Variants in NRXN1 observed in about 807,000 individuals in gnomAD.
NRXN1 encodes neurexin-1.
NRXN1 carries 39 observed loss-of-function variants against 150.9 expected under a neutral mutation model. The ratio of observed to expected loss-of-function variants is 0.26; its 90% CI spans 0.20 to 0.34. The LOEUF (loss-of-function observed/expected upper bound fraction) is 0.34, where lower values mean the gene tolerates loss of function less well. NRXN1 is among the 10% of genes least tolerant of loss of function. The pLI is 1.00. For missense variants in NRXN1, 1,815 were observed against 1,949.9 expected (o/e 0.93, Z 1.30); for synonymous variants, 924 against 757.0 (o/e 1.22, Z -3.62).
intron 5 of NRXN1, among the ~76,000 whole-genome samples, chr2:50,818,834 G>A (rs987550839): frequency 2.6e-5 from 4 of 152,170 alleles, no homozygotes; most frequent in Middle Eastern, 3.4e-3. Context: ...AACACAACTT[G>A]ATTAAAAAGC....
intron 8 of NRXN1, among the ~76,000 whole-genome samples, chr2:50,612,584 T>C (rs1335605862): frequency 1.3e-5 from 2 of 152,226 alleles, no homozygotes; most frequent in Non-Finnish European, 2.9e-5. Flanking sequence ...GTTATTATTA[T>C]GCTTTCTCTG....
chr2:50,772,629 G>T (rs1361150765), intron 5 of NRXN1, among the ~76,000 whole-genome samples: 5 of 151,912 alleles, frequency 3.3e-5, no homozygotes, highest in East Asian at 3.9e-4. Flanking sequence ...AATTCTATGG[G>T]AGCAAGCATT....
rs1558524554 is a variant in NRXN1, at chr2:50,978,307, A to ATATATAT, written c.772+49194_772+49195insATATATA. Among the ~76,000 whole-genome samples, 20 of 79,264 alleles carry ATATATAT rather than the reference A, an allele frequency of 2.5e-4. No homozygotes were observed. In the East Asian group the frequency reaches 5.0e-3, roughly 20 times the overall value. 52.0% of individuals were successfully genotyped at this position (79,264 alleles called of 152,430 possible). A position where few individuals can be genotyped will look rare whatever the true frequency, so the allele number is the denominator to read the frequency against. On this transcript the variant is annotated intron_variant, in intron 2 of 22. Coordinates refer to ENST00000401669, the MANE Select transcript of NRXN1 (RefSeq NM_001330078.2). ...ATATATATATATATATATATATATA[A>ATATATAT]AATATATATATTATAGATAGATTTG...
At chr2:50,334,209 A>ATATATATATATATATATATATG (rs760530144) in intron 17 of NRXN1, among the ~76,000 whole-genome samples, 3,635 of 120,516 alleles carry the variant, frequency 0.03, 130 homozygotes, top group Non-Finnish European at 0.042. Context: ...ATATATATAT[A>ATATATATATATATATATATATG]TATGTATGTA....
chr2:50,061,050 A>G lies in NRXN1; in HGVS notation c.3719-6006T>C, dbSNP rs534923337. ...TAGGTTCTCCAGCGACTAGGCCTATATTTTTCCTTTACCTCATGATTTTCA... is the reference window on the plus strand; with the variant it reads ...TAGGTTCTCCAGCGACTAGGCCTATGTTTTTCCTTTACCTCATGATTTTCA... On this transcript the variant is annotated intron_variant, in intron 19 of 22. Coordinates refer to ENST00000401669, the MANE Select transcript of NRXN1 (RefSeq NM_001330078.2). Among the ~76,000 whole-genome samples the G allele has an allele frequency of 2.2e-4, 34 of 152,226 alleles. No individual in the cohort carries two copies. The South Asian group carries it at 6.8e-3, about 31-fold the overall frequency.
At chr2:50,163,158 C>G (rs1374054013) in intron 18 of NRXN1, among the ~76,000 whole-genome samples, 4 of 74,492 alleles carry the variant, frequency 5.4e-5, no homozygotes, top group African/African-American at 2.1e-4. Context: ...TCTATCAATC[C>G]AAAATGTATA....
At chr2:50,979,333 AT>A (rs1696410571) in intron 2 of NRXN1, 1 of 511,140 alleles carries the variant, frequency 2.0e-6, no homozygotes, top group Non-Finnish European at 3.9e-6. Context: ...TTCCATCCCT[AT>A]TCTCAGCACA....
In NRXN1 at chr2:50,346,863, C is replaced by A. The variant is rs546558752; in HGVS notation, c.3365-109893G>T. The A allele has an allele frequency of 1.6e-5, 22 of 1,399,362 alleles. No individual in the cohort carries two copies. The highest frequency in any genetic ancestry group is 1.9e-5 in the Non-Finnish European group (21 of 1,077,192). 86.7% of individuals were successfully genotyped at this position (1,399,362 alleles called of 1,614,324 possible). A position where few individuals can be genotyped will look rare whatever the true frequency, so the allele number is the denominator to read the frequency against. On this transcript the variant is annotated intron_variant, in intron 17 of 22. Transcript: ENST00000401669. This position sits in a 1 kb window ranked among gnomAD's most constrained non-coding sequence, Gnocchi z 5.0. The stretch of plus-strand genomic sequence containing the variant: ...GGACTATCCAAAGCAGGGCCAGGCG[C>A]CCCCCTGCGCCGCCGCCGCCGCCGC...
chr2:50,241,583 TACTC>T, intron 17 of NRXN1, among the ~76,000 whole-genome samples: 1 of 151,912 alleles, frequency 6.6e-6, no homozygotes, highest in Middle Eastern at 3.4e-3. Flanking sequence ...AAGCCTCTAT[TACTC>T]ACTCTAAATT....
chr2:50,210,433 G>A (rs1327710096), intron 18 of NRXN1, among the ~76,000 whole-genome samples: 1 of 151,602 alleles, frequency 6.6e-6, no homozygotes, highest in Non-Finnish European at 1.5e-5. Flanking sequence ...ACATTCACAG[G>A]TATTAATTAG....
At chr2:50,847,954 T>C (rs1673922992) in intron 5 of NRXN1, among the ~76,000 whole-genome samples, 1 of 152,140 alleles carries the variant, frequency 6.6e-6, no homozygotes, top group African/African-American at 2.4e-5. Context: ...CTCATTCTCC[T>C]AGCCCACATA....
chr2:50,181,002 T>C (rs1309757664), intron 18 of NRXN1, among the ~76,000 whole-genome samples: 2 of 152,158 alleles, frequency 1.3e-5, no homozygotes, highest in Admixed American at 6.6e-5. Context: ...TTTATATTTG[T>C]GTTTTCCAAT....
chr2:50,908,532 AT>A (rs1684063270), intron 5 of NRXN1, among the ~76,000 whole-genome samples: 2 of 152,190 alleles, frequency 1.3e-5, no homozygotes, highest in East Asian at 3.9e-4. Context: ...TATCCTGACA[AT>A]TAGAGCATGC....
chr2:50,868,628 T>G (rs1161530541), intron 5 of NRXN1, among the ~76,000 whole-genome samples: 2 of 151,872 alleles, frequency 1.3e-5, no homozygotes, highest in Non-Finnish European at 2.9e-5. Flanking sequence ...ATAAGCATAT[T>G]ATCATAATTT....
intron 9 of NRXN1, among the ~76,000 whole-genome samples, chr2:50,542,677 G>A (rs967816579): frequency 6.6e-6 from 1 of 152,128 alleles, no homozygotes; most frequent in Admixed American, 6.5e-5. Flanking sequence ...AGTAAAAATG[G>A]TTAGAATTAA....
intron 17 of NRXN1, among the ~76,000 whole-genome samples, chr2:50,286,670 C>G (rs1258381103): frequency 6.6e-6 from 1 of 151,962 alleles, no homozygotes; most frequent in African/African-American, 2.4e-5. Context: ...ATCAACAAAA[C>G]TAGAAAAATC....
At chr2:50,617,680 C>G (rs997944787) in intron 8 of NRXN1, among the ~76,000 whole-genome samples, 7 of 152,086 alleles carry the variant, frequency 4.6e-5, no homozygotes, top group African/African-American at 1.7e-4. Flanking sequence ...CAAGTGAATC[C>G]TCCTTTTATG....
chr2:50,899,770 G>T (rs1357812677), intron 5 of NRXN1, among the ~76,000 whole-genome samples: 2 of 152,116 alleles, frequency 1.3e-5, no homozygotes, highest in Non-Finnish European at 2.9e-5. Context: ...CCCCATGTTG[G>T]TGATGTTATA....
chr2:50,286,235 C>A (rs1217350556), intron 17 of NRXN1, among the ~76,000 whole-genome samples: 1 of 152,094 alleles, frequency 6.6e-6, no homozygotes, highest in Admixed American at 6.6e-5. Context: ...ACTTACTTCT[C>A]CTATCTAACT....
Sources: allele counts gnomAD v4.1 joint callset (sites outside exome capture counted in the v4.1 genomes callset), GRCh38; gene constraint gnomAD v4.1.1; non-coding constraint Gnocchi (gnomAD v3.1); transcripts MANE v1.5; gene names NCBI Gene and HGNC (gene_info 2026-07-23, HGNC 2026-07-21).